The following NLGN1 variants were observed in gnomAD, a reference collection of about 807,000 sequenced individuals.
NLGN1 encodes neuroligin-1.
NLGN1 carries 12 observed loss-of-function variants against 65.5 expected under a neutral mutation model. That is an observed-to-expected ratio of 0.18 (90% confidence interval 0.12 to 0.30). The LOEUF is 0.30. Among genes scored for constraint, NLGN1 ranks in the 10% least tolerant of loss-of-function variants. NLGN1 has a pLI of 1.00. For missense variants in NLGN1, 750 were observed against 1,007.1 expected (o/e 0.74, Z 3.46); for synonymous variants, 350 against 359.5 (o/e 0.97, Z 0.30).
chr3:173,961,335 C>T (rs1049229247), intron 4 of NLGN1, among the ~76,000 whole-genome samples: 5 of 152,008 alleles, frequency 3.3e-5, no homozygotes, highest in East Asian at 1.9e-4. Context: ...CCAGAACATA[C>T]GCTGAGGACA....
chr3:174,008,179 C>T (rs1281106963), intron 4 of NLGN1, among the ~76,000 whole-genome samples: 1 of 152,100 alleles, frequency 6.6e-6, no homozygotes, highest in East Asian at 1.9e-4. Context: ...TTCTTCATTT[C>T]TGCCAGGCAA....
At chr3:173,510,493 G>C (rs1732759939) in intron 2 of NLGN1, among the ~76,000 whole-genome samples, 1 of 152,186 alleles carries the variant, frequency 6.6e-6, no homozygotes, top group Non-Finnish European at 1.5e-5. Context: ...ATAAATACGA[G>C]AATGGGAGGT....
chr3:174,028,649 T>A (rs1232339681), intron 4 of NLGN1, among the ~76,000 whole-genome samples: 1 of 152,122 alleles, frequency 6.6e-6, no homozygotes, highest in Non-Finnish European at 1.5e-5. Context: ...GGAAGCAGCG[T>A]ATAAAAGTTG....
chr3:173,734,640 C>A (rs915591978), intron 3 of NLGN1, among the ~76,000 whole-genome samples: 3 of 151,698 alleles, frequency 2.0e-5, no homozygotes, highest in African/African-American at 7.3e-5. Context: ...TGGCCTCAAG[C>A]AAATCCTCCT....
At chr3:173,628,439 A>T (rs182165854) in intron 3 of NLGN1, among the ~76,000 whole-genome samples, 1 of 152,290 alleles carries the variant, frequency 6.6e-6, no homozygotes, top group East Asian at 1.9e-4. Context: ...CTATGATTCA[A>T]TAAAAATAAA....
At chr3:173,598,858 G>A (rs528480456) in intron 2 of NLGN1, among the ~76,000 whole-genome samples, 1 of 152,242 alleles carries the variant, frequency 6.6e-6, no homozygotes, top group South Asian at 2.1e-4. Flanking sequence ...TCCTCCCTCT[G>A]CCCATTTTCA....
chr3:174,113,042 G>A (rs1268880505), intron 4 of NLGN1, among the ~76,000 whole-genome samples: 1 of 151,804 alleles, frequency 6.6e-6, no homozygotes, highest in Non-Finnish European at 1.5e-5. Context: ...CCATTTTCAA[G>A]AAATATTGTT....
chr3:173,447,619 G>A (rs950668822), intron 2 of NLGN1, among the ~76,000 whole-genome samples: 10 of 152,222 alleles, frequency 6.6e-5, no homozygotes, highest in South Asian at 4.2e-4. Context: ...AGCTTGATGG[G>A]GATGGCATTG....
intron 3 of NLGN1, among the ~76,000 whole-genome samples, chr3:173,736,262 T>G (rs1030273018): frequency 6.6e-6 from 1 of 152,108 alleles, no homozygotes; most frequent in African/African-American, 2.4e-5. Flanking sequence ...CTCCACTTCT[T>G]ACTCACAGAA....
At chr3:173,582,100 A>G (rs1449899948) in intron 2 of NLGN1, among the ~76,000 whole-genome samples, 2 of 152,088 alleles carry the variant, frequency 1.3e-5, no homozygotes, top group Non-Finnish European at 2.9e-5. Flanking sequence ...TACAAATATC[A>G]TCATCCTATA....
At chr3:173,597,741 A>G (rs925338570) in intron 2 of NLGN1, among the ~76,000 whole-genome samples, 6 of 151,816 alleles carry the variant, frequency 4.0e-5, no homozygotes, top group African/African-American at 1.2e-4. Flanking sequence ...TGCAAAACAT[A>G]CACAAAAATA....
intron 3 of NLGN1, among the ~76,000 whole-genome samples, chr3:173,777,619 GTCTGTCTGTCTGTCTA>G (rs1287045246): frequency 0.048 from 6,898 of 143,644 alleles, 259 homozygotes; most frequent in African/African-American, 0.11. Context: ...CTGTCTGTCT[GTCTGTCTGTCTGTCTA>G]TCTATCTATC....
At chr3:174,068,615 A>G (rs1739167435) in intron 4 of NLGN1, among the ~76,000 whole-genome samples, 3 of 152,020 alleles carry the variant, frequency 2.0e-5, no homozygotes, top group Admixed American at 2.0e-4. Flanking sequence ...CTTAACAGAA[A>G]TATTTGCCTT....
At chr3:173,610,757 G>A (rs1752154176) in intron 3 of NLGN1, among the ~76,000 whole-genome samples, 1 of 151,874 alleles carries the variant, frequency 6.6e-6, no homozygotes, top group Non-Finnish European at 1.5e-5. Context: ...GGTGGTGTGG[G>A]TTTTACACAC....
chr3:174,236,066 G>A (rs192334202), intron 4 of NLGN1, among the ~76,000 whole-genome samples: 1 of 152,152 alleles, frequency 6.6e-6, no homozygotes, highest in Non-Finnish European at 1.5e-5. Flanking sequence ...TGCTGGCACA[G>A]AGTGGGTCCT....
intron 4 of NLGN1, among the ~76,000 whole-genome samples, chr3:174,117,384 A>T (rs1411561283): frequency 6.6e-6 from 1 of 152,042 alleles, no homozygotes; most frequent in African/African-American, 2.4e-5. Flanking sequence ...TGGGAGGCCG[A>T]GGCGGGTGGA....
At chr3:174,132,443 T>C (rs1425905412) in intron 4 of NLGN1, among the ~76,000 whole-genome samples, 3 of 152,210 alleles carry the variant, frequency 2.0e-5, no homozygotes, top group Non-Finnish European at 2.9e-5. Context: ...CCTTCATGTT[T>C]CTTTTCTTTT....
At chr3:173,979,537 G>A (rs1327707738) in intron 4 of NLGN1, among the ~76,000 whole-genome samples, 1 of 152,034 alleles carries the variant, frequency 6.6e-6, no homozygotes, top group East Asian at 1.9e-4. Flanking sequence ...AAATGGGTAA[G>A]AGGTAAAAAG....
At chr3:173,796,257 G>A (rs1195275469) in intron 3 of NLGN1, among the ~76,000 whole-genome samples, 1 of 152,072 alleles carries the variant, frequency 6.6e-6, no homozygotes, top group East Asian at 1.9e-4. Context: ...TGGGTGGATA[G>A]TAATTATTTC....
Sources: gnomAD v4.1 joint callset for allele counts (sites outside exome capture counted in the v4.1 genomes callset) on GRCh38, gnomAD v4.1.1 for gene constraint, MANE v1.5 for transcripts, NCBI Gene and HGNC (gene_info 2026-07-23, HGNC 2026-07-21) for gene names.